The following MAP2 variants were observed in gnomAD, a reference collection of about 807,000 sequenced individuals.
MAP2 encodes microtubule-associated protein 2.
In MAP2, 14 loss-of-function variants were observed where a neutral mutation model predicts 137.6. The ratio of observed to expected loss-of-function variants is 0.10; its 90% CI spans 0.07 to 0.16. The LOEUF is 0.16. MAP2 is among the 10% of genes least tolerant of loss of function. The pLI is 1.00. For synonymous variants in MAP2, 786 were observed against 782.3 expected (o/e 1.00, Z -0.08); for missense variants, 2,088 against 2,191.5 (o/e 0.95, Z 0.94).
At position 209,693,871 on chromosome 2, in the gene MAP2, A is replaced by C; in HGVS notation, c.1701A>C (p.Ser567=). The stretch of plus-strand genomic sequence containing the variant: ...ATATGCCATTTTATGAAGATAAATC[A>C]GGAATGTCCAAGTACTTTGAAACAT... The part of the protein sequence containing the change: ...ELDMPFYEDK[S]GMSKYFETSA... The change falls in exon 8 of 16, where the codon TCA becomes TCC. Residue 567 remains serine (S), a synonymous_variant. Transcript: ENST00000682079. 1 of 1,612,650 alleles carries C rather than the reference A, an allele frequency of 6.2e-7. No individual in the cohort carries two copies. Among genetic ancestry groups the C allele is most frequent in the Non-Finnish European group, 8.5e-7 (1 of 1,179,604 alleles).
chr2:209,442,390 T>C (rs562825557), intron 1 of MAP2, among the ~76,000 whole-genome samples: 3 of 151,578 alleles, frequency 2.0e-5, no homozygotes, highest in Admixed American at 6.6e-5. Context: ...TTTTGCCTTT[T>C]TGTATGGGTT....
At chr2:209,562,353 A>G (rs76758056) in intron 2 of MAP2, among the ~76,000 whole-genome samples, 2 of 152,044 alleles carry the variant, frequency 1.3e-5, no homozygotes, top group Non-Finnish European at 2.9e-5. Context: ...ACTGGAGCAT[A>G]TGAGTCACAA....
intron 5 of MAP2, among the ~76,000 whole-genome samples, chr2:209,659,039 C>T (rs184769449): frequency 1.3e-5 from 2 of 152,228 alleles, no homozygotes; most frequent in African/African-American, 4.8e-5. Flanking sequence ...GACTAAGGCA[C>T]AGAATGGCTG....
intron 1 of MAP2, among the ~76,000 whole-genome samples, chr2:209,441,391 A>G (rs1401869900): frequency 6.6e-6 from 1 of 151,612 alleles, no homozygotes; most frequent in Non-Finnish European, 1.5e-5. Flanking sequence ...ATTTTTTGTT[A>G]TATACAGATG....
chr2:209,680,718 T>C (rs1218918783), intron 6 of MAP2, 32 bp from the exon 7 acceptor site: 2 of 1,571,314 alleles, frequency 1.3e-6, no homozygotes, highest in South Asian at 1.1e-5. Flanking sequence ...GATTAATTAT[T>C]GCATCTCATT....
At chr2:209,457,576 T>C (rs980772455) in intron 1 of MAP2, among the ~76,000 whole-genome samples, 1 of 152,204 alleles carries the variant, frequency 6.6e-6, no homozygotes, top group African/African-American at 2.4e-5. Flanking sequence ...GCAACTCTTA[T>C]GAGTTCTGTG....
chr2:209,525,551 G>A (rs1237769478), intron 2 of MAP2, among the ~76,000 whole-genome samples: 5 of 152,120 alleles, frequency 3.3e-5, no homozygotes, highest in African/African-American at 1.2e-4. Context: ...TTCCTGCATG[G>A]ACTAAGCCTT....
Position 209,711,895 on chromosome 2 carries a change from G to C in MAP2, c.5073+1641G>C, listed in dbSNP as rs2065620441. On this transcript the variant is annotated intron_variant, in intron 13 of 15. Coordinates refer to ENST00000682079, the MANE Select transcript of MAP2 (RefSeq NM_001375505.1). ...CATGTCCTGTTATTCTCCTCAACTA[G>C]ATATGGGGTTTACTTAATTATATTC... is the stretch of plus-strand genomic sequence containing the variant. 2.6e-5 allele frequency among the ~76,000 whole-genome samples: 4 copies of C among 152,054 alleles called. No individual in the cohort carries two copies. In the South Asian group the frequency reaches 8.3e-4, roughly 32 times the overall value.
At chr2:209,545,250 G>T (rs1244767820) in intron 2 of MAP2, among the ~76,000 whole-genome samples, 2 of 152,126 alleles carry the variant, frequency 1.3e-5, no homozygotes, top group East Asian at 1.9e-4. Flanking sequence ...ATCTGTCTGT[G>T]CTTAAGATTT....
intron 4 of MAP2, among the ~76,000 whole-genome samples, chr2:209,646,292 T>C (rs1164880732): frequency 1.3e-5 from 2 of 152,226 alleles, no homozygotes; most frequent in Non-Finnish European, 2.9e-5. Flanking sequence ...TATGCATTTT[T>C]TTTGCACGAG....
At chr2:209,617,746 G>A (rs143735908) in intron 3 of MAP2, among the ~76,000 whole-genome samples, 138 of 151,996 alleles carry the variant, frequency 9.1e-4, no homozygotes, top group Middle Eastern at 3.4e-3. Flanking sequence ...ATGTAATCAC[G>A]TTAGCAGTAA....
intron 5 of MAP2, among the ~76,000 whole-genome samples, chr2:209,664,433 C>T (rs554232628): frequency 6.6e-6 from 1 of 152,192 alleles, no homozygotes; most frequent in Non-Finnish European, 1.5e-5. Flanking sequence ...GCCTGTAATA[C>T]CAGCTACCTG....
At chr2:209,588,816 A>T (rs936656355) in intron 3 of MAP2, among the ~76,000 whole-genome samples, 1 of 152,106 alleles carries the variant, frequency 6.6e-6, no homozygotes, top group Non-Finnish European at 1.5e-5. Flanking sequence ...GACTGCCTAT[A>T]CTTTAAATAG....
intron 5 of MAP2, among the ~76,000 whole-genome samples, chr2:209,666,496 G>T (rs757345555): frequency 2.6e-5 from 4 of 152,006 alleles, no homozygotes; most frequent in Non-Finnish European, 5.9e-5. Context: ...CATTCAGTTG[G>T]AATAACAGTA....
chr2:209,442,688 A>G (rs944689876), intron 1 of MAP2, among the ~76,000 whole-genome samples: 5 of 151,598 alleles, frequency 3.3e-5, no homozygotes, highest in African/African-American at 1.2e-4. Context: ...AGTCAGGCTC[A>G]TATATCCAAC....
chr2:209,632,211 A>G (rs2093137639), intron 4 of MAP2, among the ~76,000 whole-genome samples: 1 of 152,188 alleles, frequency 6.6e-6, no homozygotes, highest in Non-Finnish European at 1.5e-5. Flanking sequence ...CCTGTAGCTG[A>G]GGATAACAGT....
chr2:209,598,582 A>G (rs1160016601), intron 3 of MAP2, among the ~76,000 whole-genome samples: 2 of 140,872 alleles, frequency 1.4e-5, no homozygotes, highest in Non-Finnish European at 1.5e-5. Context: ...ATATCTCCCA[A>G]TGCTATCCCT....
intron 2 of MAP2, chr2:209,579,372 G>A (rs1277689523): frequency 1.3e-5 from 2 of 152,128 alleles, no homozygotes; most frequent in East Asian, 3.9e-4. Flanking sequence ...GACACACTTG[G>A]ATGGAGGCAA....
At chr2:209,532,240 GAAAA>G (rs796126529) in intron 2 of MAP2, among the ~76,000 whole-genome samples, 1 of 72,700 alleles carries the variant, frequency 1.4e-5, no homozygotes, top group Admixed American at 1.7e-4. Flanking sequence ...CCAGTCTCAG[GAAAA>G]AAAAAAAAAA....
Sources: allele counts gnomAD v4.1 joint callset (sites outside exome capture counted in the v4.1 genomes callset), GRCh38; gene constraint gnomAD v4.1.1; transcripts MANE v1.5; gene names NCBI Gene and HGNC (gene_info 2026-07-23, HGNC 2026-07-21).